UBE2V2: variants seen among roughly 807,000 people sequenced by gnomAD.
The protein encoded by UBE2V2 is ubiquitin conjugating enzyme E2 V2.
A neutral mutation model predicts 17.2 loss-of-function variants in UBE2V2; 9 were observed. The ratio of observed to expected loss-of-function variants is 0.52; its 90% CI spans 0.32 to 0.91. The LOEUF is 0.91. Among genes scored for constraint, UBE2V2 ranks in the 40% least tolerant of loss-of-function variants. The probability of loss-of-function intolerance (pLI) is 0.04; values close to 1 mark genes in which losing one functional copy is unlikely to be tolerated. For synonymous variants in UBE2V2, 61 were observed against 57.5 expected (o/e 1.06, Z -0.28); for missense variants, 133 against 182.6 (o/e 0.73, Z 1.56).
At chr8:48,004,234 T>C (rs2091169265), upstream of UBE2V2, among the ~76,000 whole-genome samples, 2 of 152,184 alleles carry the variant, frequency 1.3e-5, no homozygotes, top group South Asian at 2.1e-4. Flanking sequence ...ATAATAAATG[T>C]GGTGTTTAAG....
chr8:48,011,675 G>A (rs1266973436), intron 1 of UBE2V2, among the ~76,000 whole-genome samples: 4 of 152,124 alleles, frequency 2.6e-5, no homozygotes, highest in Admixed American at 1.3e-4. Flanking sequence ...TTTTTGAGAC[G>A]GAGTCTTGCT....
Position 48,063,930 on chromosome 8 carries a change from T to G in UBE2V2, c.*3102T>G, listed in dbSNP as rs1173895991. On this transcript the variant is annotated 3_prime_UTR_variant, in exon 4 of 4. Transcript: ENST00000523111. ...TAAATACATGTGAAATTAATATTGT[T>G]TGGAAAATGTAGAGGACACAGCTGG... 2.6e-5 allele frequency: 4 copies of G among 152,216 alleles called. No homozygotes were observed. The highest frequency in any genetic ancestry group is 4.4e-5 in the Non-Finnish European group (3 of 68,042). 9.4% of individuals were successfully genotyped at this position (152,216 alleles called of 1,614,324 possible). A position where few individuals can be genotyped will look rare whatever the true frequency, so the allele number is the denominator to read the frequency against.
intron 3 of UBE2V2, among the ~76,000 whole-genome samples, chr8:48,050,958 A>T (rs1161393880): frequency 6.6e-6 from 1 of 152,098 alleles, no homozygotes; most frequent in Non-Finnish European, 1.5e-5. Flanking sequence ...TGATTCTCCC[A>T]CTTCAGCCTC....
In UBE2V2 at chr8:48,062,729, CT is replaced by C. The variant is rs1427662315; in HGVS notation, c.*1905del. The C allele has an allele frequency of 6.6e-6, 1 of 152,110 alleles. No individual in the cohort carries two copies. The highest frequency in any genetic ancestry group is 2.4e-5 in the African/African-American group (1 of 41,426). The allele number at this position is 152,110 out of a possible 1,614,324, so 9.4% of individuals were successfully genotyped here. A position where few individuals can be genotyped will look rare whatever the true frequency, so the allele number is the denominator to read the frequency against. On this transcript the variant is annotated 3_prime_UTR_variant, in exon 4 of 4. Transcript: ENST00000523111. ...ATATAAAGTTAAAGCTTTGAGCTAC[CT>C]TTTCTTGGCCAATAAAGTCACTGAC...
chr8:48,035,886 G>T (rs372083384), intron 1 of UBE2V2, among the ~76,000 whole-genome samples: 48 of 146,388 alleles, frequency 3.3e-4, no homozygotes, highest in African/African-American at 1.2e-3. Context: ...GTGACACTCC[G>T]TCTCAAAAAA....
intron 1 of UBE2V2, among the ~76,000 whole-genome samples, chr8:48,014,973 C>T (rs2091258621): frequency 6.6e-6 from 1 of 151,014 alleles, no homozygotes; most frequent in East Asian, 1.9e-4. Flanking sequence ...TGGCATGAAC[C>T]CGGGAGGCGG....
chr8:47,998,619 C>T, the UBE2V2 span, among the ~76,000 whole-genome samples: 4 of 150,760 alleles, frequency 2.7e-5, no homozygotes, highest in Admixed American at 2.6e-4. Context: ...TCTGGGACTT[C>T]GGCAGGTTCA....
At chr8:48,024,104 T>C (rs2091324029) in intron 1 of UBE2V2, among the ~76,000 whole-genome samples, 1 of 152,178 alleles carries the variant, frequency 6.6e-6, no homozygotes. Flanking sequence ...TTTCAAACCT[T>C]AGAAGGAGAT....
the UBE2V2 span, among the ~76,000 whole-genome samples, chr8:48,000,557 C>T: frequency 6.6e-6 from 1 of 152,246 alleles, no homozygotes; most frequent in East Asian, 1.9e-4. Context: ...TGCAGTGGCT[C>T]ATGCCTGTAA....
the UBE2V2 span, among the ~76,000 whole-genome samples, chr8:47,997,820 G>A: frequency 1.3e-5 from 2 of 151,850 alleles, no homozygotes; most frequent in Admixed American, 6.6e-5. Context: ...AGGTAGAGCC[G>A]GAGTGGAGGC....
the UBE2V2 span, among the ~76,000 whole-genome samples, chr8:47,999,611 C>T: frequency 2.6e-5 from 4 of 152,042 alleles, no homozygotes; most frequent in Admixed American, 6.6e-5. Context: ...CTGCATGCCT[C>T]GGCCTCCCAA....
chr8:48,013,122 G>A (rs1245811503), intron 1 of UBE2V2, among the ~76,000 whole-genome samples: 1 of 152,038 alleles, frequency 6.6e-6, no homozygotes, highest in African/African-American at 2.4e-5. Flanking sequence ...TGGGATCACT[G>A]GTGTGAGCCA....
chr8:48,042,278 A>G (rs1431162337), intron 1 of UBE2V2: 1 of 152,190 alleles, frequency 6.6e-6, no homozygotes, highest in Non-Finnish European at 1.5e-5. Flanking sequence ...TCTCACAAAC[A>G]CATTAAAAAA....
intron 1 of UBE2V2, among the ~76,000 whole-genome samples, chr8:48,021,236 C>T (rs1341534330): frequency 1.3e-5 from 2 of 151,668 alleles, no homozygotes; most frequent in South Asian, 2.1e-4. Flanking sequence ...CGCCACCACG[C>T]CCAGCTAATT....
intron 1 of UBE2V2, among the ~76,000 whole-genome samples, chr8:48,033,232 G>A (rs183266115): frequency 1.3e-5 from 2 of 151,944 alleles, no homozygotes; most frequent in East Asian, 3.9e-4. Context: ...TGTTGCCCAG[G>A]CTGGAGTGCA....
Position 48,043,124 on chromosome 8 carries a change from AGAT to A in UBE2V2, c.114_116del (p.Asp38del). 1 of 1,597,456 alleles carries A rather than the reference AGAT, an allele frequency of 6.3e-7. No individual in the cohort carries two copies. The highest frequency in any genetic ancestry group is 8.5e-7 in the Non-Finnish European group (1 of 1,170,064). On this transcript the variant is annotated inframe_deletion, in exon 2 of 4. Transcript: ENST00000523111. The stretch of plus-strand genomic sequence containing the variant: ...ACGGTACAGTTAGCTGGGGCCTTGA[AGAT>A]GATGAAGATATGACACTTACAAGGT...
At chr8:48,036,765 A>C (rs2091427897) in intron 1 of UBE2V2, among the ~76,000 whole-genome samples, 1 of 152,152 alleles carries the variant, frequency 6.6e-6, no homozygotes, top group South Asian at 2.1e-4. Context: ...TGATGTTGAT[A>C]CATAATATTT....
intron 2 of UBE2V2, among the ~76,000 whole-genome samples, chr8:48,044,638 T>C (rs910448929): frequency 4.6e-5 from 7 of 152,252 alleles, no homozygotes; most frequent in Middle Eastern, 3.4e-3. Flanking sequence ...GAAGGAAATA[T>C]AATGTTGATA....
rs970807846 is a variant in UBE2V2 at position 48,042,965 on chromosome 8, GAATTTA to G, written c.17-64_17-59del. On this transcript the variant is annotated intron_variant, in intron 1 of 3. Transcript: ENST00000523111. ...TATAAAGGTTAATTTGGAAAAAGCT[GAATTTA>G]AATACGTGTAGCTCTTATAATTATG... is the stretch of plus-strand genomic sequence containing the variant. 1.1e-5 allele frequency: 14 copies of G among 1,323,236 alleles called. No homozygotes were observed. The African/African-American group carries it at 2.1e-4, about 20-fold the overall frequency. 82.0% of individuals were successfully genotyped at this position (1,323,236 alleles called of 1,614,324 possible). A position where few individuals can be genotyped will look rare whatever the true frequency, so the allele number is the denominator to read the frequency against.
Sources: gnomAD v4.1 joint callset for allele counts (sites outside exome capture counted in the v4.1 genomes callset) on GRCh38, gnomAD v4.1.1 for gene constraint, MANE v1.5 for transcripts, NCBI Gene and HGNC (gene_info 2026-07-23, HGNC 2026-07-21) for gene names.